The following PKP1 variants were observed in gnomAD, a reference collection of about 807,000 sequenced individuals.
PKP1 encodes plakophilin 1, also known as plakophilin-1.
A neutral mutation model predicts 76.4 loss-of-function variants in PKP1; 27 were observed. The observed-to-expected ratio is 0.35, with a 90% confidence interval of 0.26 to 0.49. The LOEUF (loss-of-function observed/expected upper bound fraction) is 0.49, where lower values mean the gene tolerates loss of function less well. PKP1 is among the 20% of genes least tolerant of loss of function. The pLI is 0.99. For synonymous variants in PKP1, 404 were observed against 384.2 expected (o/e 1.05, Z -0.60); for missense variants, 964 against 955.2 (o/e 1.01, Z -0.12).
chr1:201,301,042 G>A (rs1301357202), intron 2 of PKP1, among the ~76,000 whole-genome samples: 1 of 152,160 alleles, frequency 6.6e-6, no homozygotes, highest in Non-Finnish European at 1.5e-5. Flanking sequence ...AGCCTCCCAG[G>A]CCTTCATCAC....
At chr1:201,327,182 G>A (rs575484173) in intron 12 of PKP1, among the ~76,000 whole-genome samples, 7 of 152,328 alleles carry the variant, frequency 4.6e-5, no homozygotes, top group African/African-American at 1.7e-4. Flanking sequence ...AAAACAGTGG[G>A]TAAAAAGAGA....
At chr1:201,324,337 A>T (rs1657042050) in intron 9 of PKP1, 91 bp from the exon 10 acceptor site, 1 of 1,331,474 alleles carries the variant, frequency 7.5e-7, no homozygotes, top group African/African-American at 1.5e-5. Context: ...GGGTTCTGGG[A>T]TGTCTGCCTT....
intron 10 of PKP1, 73 bp from the exon 11 acceptor site, chr1:201,324,867 GC>G: frequency 7.1e-7 from 1 of 1,413,590 alleles, no homozygotes. Flanking sequence ...GAAGAGTGTG[GC>G]CCCAGAGGGA....
chr1:201,293,059 G>A (rs531926989), intron 1 of PKP1, among the ~76,000 whole-genome samples: 9 of 152,324 alleles, frequency 5.9e-5, no homozygotes, highest in African/African-American at 2.2e-4. Context: ...AGTGGCCAAG[G>A]AGGGAAGGCA....
chr1:201,318,388 T>C (rs979541649), intron 5 of PKP1, among the ~76,000 whole-genome samples: 6 of 152,222 alleles, frequency 3.9e-5, no homozygotes, highest in Non-Finnish European at 5.9e-5. Context: ...ATTTTGGCCT[T>C]GACAGAGAAC....
At chr1:201,284,786 C>T (rs1302218140) in intron 1 of PKP1, among the ~76,000 whole-genome samples, 1 of 152,156 alleles carries the variant, frequency 6.6e-6, no homozygotes, top group Admixed American at 6.5e-5. Context: ...GAAATCCCCC[C>T]GGGCCCCAGG....
chr1:201,294,122 C>G, intron 2 of PKP1, 77 bp downstream of exon 2: 7 of 950,122 alleles, frequency 7.4e-6, no homozygotes, highest in Non-Finnish European at 1.2e-5. Context: ...AGAAAACCGG[C>G]ACCAGTTGCT....
intron 4 of PKP1, among the ~76,000 whole-genome samples, chr1:201,317,011 C>T (rs1379733408): frequency 6.6e-6 from 1 of 152,164 alleles, no homozygotes; most frequent in African/African-American, 2.4e-5. Context: ...TGCTCCTCAC[C>T]TCTCAACTCC....
intron 1 of PKP1, among the ~76,000 whole-genome samples, chr1:201,292,905 A>C (rs1408532685): frequency 6.6e-6 from 1 of 152,246 alleles, no homozygotes; most frequent in Non-Finnish European, 1.5e-5. Flanking sequence ...GACGCAGGGC[A>C]GAATGAGACT....
In PKP1 at chr1:201,283,612, G is replaced by A. The variant is rs1571533650; in HGVS notation, c.-91G>A. On this transcript the variant is annotated 5_prime_UTR_variant, in exon 1 of 14. Transcript: ENST00000367324. ...CGTAGGGAGCCGCTGAGAGCGAGAA[G>A]AGCACGCTCCTGCCCGCCCGCTGCA... 8.8e-7 allele frequency: 1 copy of A among 1,142,502 alleles called. No homozygotes were observed. The highest frequency in any genetic ancestry group is 2.6e-5 in the East Asian group (1 of 39,112). 70.8% of individuals were successfully genotyped at this position (1,142,502 alleles called of 1,614,324 possible). A position where few individuals can be genotyped will look rare whatever the true frequency, so the allele number is the denominator to read the frequency against.
chr1:201,292,496 T>C (rs1331043418), intron 1 of PKP1, among the ~76,000 whole-genome samples: 1 of 152,168 alleles, frequency 6.6e-6, no homozygotes, highest in Non-Finnish European at 1.5e-5. Flanking sequence ...CTGTGGGCTA[T>C]GGGTGGTGAC....
rs1382339978 is a variant in PKP1, at chr1:201,328,772, A to G, written c.2117A>G (p.Asp706Gly). 1.2e-6 allele frequency: 2 copies of G among 1,613,972 alleles called. No homozygotes were observed. Among genetic ancestry groups the G allele is most frequent in the Non-Finnish European group, 1.7e-6 (2 of 1,179,994 alleles). ...TTTCTCCCTTTGCAGCAAGGTTTCG[A>G]TAGGAACATGCTGGGAACCTTAGCT... is the stretch of plus-strand genomic sequence containing the variant. ...LQGVLRQQGF[D>G]RNMLGTLAGA... The change falls in exon 13 of 14, where the codon GAT becomes GGT. Residue 706 changes from aspartate (D) to glycine (G), a missense_variant. Physicochemically the swap from Asp to Gly is moderately conservative, Grantham distance 94. Coordinates refer to ENST00000367324, the MANE Select transcript of PKP1 (RefSeq NM_001005337.3).
chr1:201,321,667 G>T (rs1371686390), intron 7 of PKP1, among the ~76,000 whole-genome samples: 1 of 152,192 alleles, frequency 6.6e-6, no homozygotes, highest in Non-Finnish European at 1.5e-5. Flanking sequence ...TGTGATAAGT[G>T]CTTTCTCTGT....
At chr1:201,327,454 C>A (rs188398783) in intron 12 of PKP1, among the ~76,000 whole-genome samples, 1 of 152,330 alleles carries the variant, frequency 6.6e-6, no homozygotes, top group African/African-American at 2.4e-5. Flanking sequence ...CAATCCAGAG[C>A]TCCTTTCCAA....
chr1:201,283,575 G>T lies in PKP1; in HGVS notation c.-128G>T, dbSNP rs1416233933. On this transcript the variant is annotated 5_prime_UTR_variant, in exon 1 of 14. Transcript: ENST00000367324. ...TGCAGGGAGCCCTCACGCGGACCAC[G>T]CACTCTATGGCCGTAGGGAGCCGCT... 7.1e-6 allele frequency: 6 copies of T among 840,936 alleles called. 1 individual carries two copies. The highest frequency in any genetic ancestry group is 6.0e-5 in the Admixed American group (3 of 49,826). 52.1% of individuals were successfully genotyped at this position (840,936 alleles called of 1,614,324 possible).
At chr1:201,291,510 G>A (rs1655916426) in intron 1 of PKP1, among the ~76,000 whole-genome samples, 1 of 152,088 alleles carries the variant, frequency 6.6e-6, no homozygotes, top group East Asian at 1.9e-4. Context: ...GGGAGGAGAT[G>A]GTTAGTCTGA....
intron 3 of PKP1, among the ~76,000 whole-genome samples, chr1:201,315,647 T>C (rs924478616): frequency 6.6e-6 from 1 of 152,206 alleles, no homozygotes; most frequent in African/African-American, 2.4e-5. Flanking sequence ...GGAATGTTCA[T>C]AGTGGAGCCG....
chr1:201,300,259 G>A (rs890584520), intron 2 of PKP1, among the ~76,000 whole-genome samples: 1 of 152,270 alleles, frequency 6.6e-6, no homozygotes, highest in African/African-American at 2.4e-5. Flanking sequence ...TGCTTTCACA[G>A]ACAAACTGCT....
At chr1:201,301,343 G>A (rs1656223013) in intron 2 of PKP1, among the ~76,000 whole-genome samples, 2 of 150,680 alleles carry the variant, frequency 1.3e-5, no homozygotes, top group Admixed American at 1.3e-4. Context: ...CAGGATGTCT[G>A]CAGGAAGGAA....
Sources: allele counts gnomAD v4.1 joint callset (sites outside exome capture counted in the v4.1 genomes callset), GRCh38; gene constraint gnomAD v4.1.1; transcripts MANE v1.5; gene names NCBI Gene and HGNC (gene_info 2026-07-23, HGNC 2026-07-21).